Variants in FHOD3 observed in about 807,000 individuals in gnomAD.
FHOD3 encodes formin homology 2 domain containing 3, also known as FH1/FH2 domain-containing protein 3.
In FHOD3, 90 loss-of-function variants were observed where a neutral mutation model predicts 173.0. The observed-to-expected ratio is 0.52, with a 90% CI of 0.44 to 0.62. The LOEUF is 0.62. FHOD3 is among the 20% of genes least tolerant of loss of function. The probability of loss-of-function intolerance (pLI) is 0.00; values close to 1 mark genes in which losing one functional copy is unlikely to be tolerated. For synonymous variants in FHOD3, 828 were observed against 823.0 expected, an observed-to-expected ratio of 1.01 and a Z score of -0.10; for missense variants, 1,945 against 2,034.7, an observed-to-expected ratio of 0.96 and a Z score of 0.85.
chr18:36,396,722 G>C (rs1275643643), intron 3 of FHOD3, among the ~76,000 whole-genome samples: 1 of 152,090 alleles, frequency 6.6e-6, no homozygotes, highest in Non-Finnish European at 1.5e-5. Context: ...ATGACTTTTT[G>C]ACATGCTTTA....
chr18:36,490,678 T>C (rs781424971), intron 3 of FHOD3, among the ~76,000 whole-genome samples: 93 of 152,206 alleles, frequency 6.1e-4, no homozygotes, highest in Non-Finnish European at 1.1e-3. Flanking sequence ...GTCCTCTTTG[T>C]TGACAAATCA....
rs2034051906 is a variant in FHOD3, at chr18:36,625,705, A to G, written c.1152A>G (p.Ser384=). 1 of 1,610,058 alleles carries G rather than the reference A, an allele frequency of 6.2e-7. No individual in the cohort carries two copies. The highest frequency in any genetic ancestry group is 8.5e-7 in the Non-Finnish European group (1 of 1,177,766). The change falls in exon 10 of 29, where the codon TCA becomes TCG. Residue 384 remains serine (S), a synonymous_variant. Transcript: ENST00000590592. ...CCCCCACCAGTCCCTGCTCCCAGTCAGCTCCCAGCTTCAAGCCCAACCAAG... is the reference window on the plus strand; with the variant it reads ...CCCCCACCAGTCCCTGCTCCCAGTCGGCTCCCAGCTTCAAGCCCAACCAAG... ...LSAPTSPCSQ[S]APSFKPNQVR... is the part of the protein sequence containing the mutation.
intron 4 of FHOD3, among the ~76,000 whole-genome samples, chr18:36,510,574 A>C (rs942188969): frequency 6.6e-6 from 1 of 152,156 alleles, no homozygotes; most frequent in African/African-American, 2.4e-5. Flanking sequence ...TCACTTTTTC[A>C]CCATGAAGTC....
chr18:36,491,408 G>A (rs2145785747), intron 3 of FHOD3, among the ~76,000 whole-genome samples: 1 of 152,308 alleles, frequency 6.6e-6, no homozygotes, highest in South Asian at 2.1e-4. Context: ...AATATTGGCA[G>A]ATAGTTATTA....
At chr18:36,705,405 A>G (rs111642010) in intron 17 of FHOD3, among the ~76,000 whole-genome samples, 1,553 of 152,276 alleles carry the variant, frequency 0.01, 32 homozygotes, top group African/African-American at 0.035. Flanking sequence ...TTTGCCACAG[A>G]GACTTACGTT....
intron 8 of FHOD3, 47 bp downstream of exon 8, chr18:36,602,815 T>C (rs1273227451): frequency 7.1e-7 from 1 of 1,411,064 alleles, no homozygotes; most frequent in Non-Finnish European, 1.0e-6. Context: ...TAAAAAGATA[T>C]GTTAAAGCCC....
At chr18:36,725,054 C>T (rs1311235074) in intron 19 of FHOD3, among the ~76,000 whole-genome samples, 3 of 152,308 alleles carry the variant, frequency 2.0e-5, no homozygotes, top group Non-Finnish European at 4.4e-5. Flanking sequence ...ATCTCATGTC[C>T]GCCTTTTTGC....
intron 3 of FHOD3, among the ~76,000 whole-genome samples, chr18:36,480,904 G>A (rs776123079): frequency 6.7e-6 from 1 of 148,174 alleles, no homozygotes; most frequent in Non-Finnish European, 1.5e-5. Context: ...CTTGCCTTGA[G>A]CACTTCCTTC....
In FHOD3 at chr18:36,774,809, T is replaced by C. The variant is rs907819356; in HGVS notation, c.4787-4639T>C. On this transcript the variant is annotated intron_variant, in intron 28 of 28. Coordinates refer to ENST00000590592, the MANE Select transcript of FHOD3 (RefSeq NM_001281740.3). ...CAGTTTTGCCACGAAGGTCCTATTT[T>C]TGCTCTACGATCCTACCCAGGATTC... 8.5e-5 allele frequency among the ~76,000 whole-genome samples: 13 copies of C among 152,358 alleles called. No individual in the cohort carries two copies. In the South Asian group the frequency reaches 2.3e-3, roughly 27 times the overall value.
At chr18:36,525,887 G>A (rs1381443712) in intron 5 of FHOD3, among the ~76,000 whole-genome samples, 1 of 152,228 alleles carries the variant, frequency 6.6e-6, no homozygotes, top group Non-Finnish European at 1.5e-5. Context: ...AATGGAGAAG[G>A]CAATTTATAA....
At chr18:36,369,646 G>A (rs1489099014) in intron 2 of FHOD3, among the ~76,000 whole-genome samples, 1 of 151,706 alleles carries the variant, frequency 6.6e-6, no homozygotes, top group Non-Finnish European at 1.5e-5. Context: ...TATTATATTG[G>A]ACTCTAATTC....
intron 23 of FHOD3, 95 bp downstream of exon 23, chr18:36,744,288 A>C: frequency 7.7e-7 from 1 of 1,290,882 alleles, no homozygotes; most frequent in Non-Finnish European, 1.1e-6. Context: ...TATTAAGTAA[A>C]ATGCCCAAGT....
At chr18:36,772,726 C>T (rs978168010) in intron 28 of FHOD3, among the ~76,000 whole-genome samples, 7 of 152,218 alleles carry the variant, frequency 4.6e-5, no homozygotes, top group South Asian at 2.1e-4. Flanking sequence ...TGGCTCAGGT[C>T]GGCTGCTCTC....
chr18:36,425,877 G>C (rs1013414902), intron 3 of FHOD3, among the ~76,000 whole-genome samples: 3 of 151,820 alleles, frequency 2.0e-5, no homozygotes, highest in African/African-American at 7.3e-5. Context: ...ACTCTGGGAA[G>C]CACTTCACAC....
At chr18:36,589,340 T>A (rs2059135866) in intron 6 of FHOD3, among the ~76,000 whole-genome samples, 1 of 152,080 alleles carries the variant, frequency 6.6e-6, no homozygotes, top group Non-Finnish European at 1.5e-5. Context: ...TTAAAGAAAA[T>A]GTAGGTAACA....
At chr18:36,316,945 C>A (rs1001008199) in intron 1 of FHOD3, among the ~76,000 whole-genome samples, 9 of 151,898 alleles carry the variant, frequency 5.9e-5, no homozygotes, top group African/African-American at 2.2e-4. Context: ...CATTGTTCAG[C>A]TCCCACTTAT....
rs909335271 is a variant in FHOD3, at chr18:36,681,465, C to T, written c.1865C>T (p.Ser622Phe). ...TCACCGAGTGGTCTTCTCACATCAT[C>T]CTTCAGGCAGCACCAAGAGTCACTG... ...RSSPSGLLTSSFRQHQESLAA... is the reference protein window; with the variant it reads ...RSSPSGLLTSFFRQHQESLAA... Residue 622 changes from serine to phenylalanine, a missense_variant, in exon 15 of 29, where the codon TCC becomes TTC. Coordinates refer to ENST00000590592, the MANE Select transcript of FHOD3 (RefSeq NM_001281740.3). 3 of 1,613,758 alleles carry T rather than the reference C, an allele frequency of 1.9e-6. No individual in the cohort carries two copies. Among genetic ancestry groups the T allele is most frequent in the African/African-American group, 1.3e-5 (1 of 74,890 alleles).
intron 10 of FHOD3, among the ~76,000 whole-genome samples, chr18:36,647,443 C>A (rs772701158): frequency 5.3e-5 from 8 of 152,048 alleles, no homozygotes; most frequent in Non-Finnish European, 1.2e-4. Flanking sequence ...ATGAAATAGA[C>A]AAAATTATCA....
Position 36,401,749 on chromosome 18 carries a change from T to C in FHOD3, c.337+29005T>C, listed in dbSNP as rs1035398733. ...TGAGTTATCATCTGTTGAAAACCTGTGAGGGCAGTGCTTAACCTGGCCCCT... is the reference window on the plus strand; with the variant it reads ...TGAGTTATCATCTGTTGAAAACCTGCGAGGGCAGTGCTTAACCTGGCCCCT... On this transcript the variant is annotated intron_variant, in intron 3 of 28. Transcript: ENST00000590592. 2.6e-5 allele frequency among the ~76,000 whole-genome samples: 4 copies of C among 152,228 alleles called. No individual in the cohort carries two copies. In the East Asian group the frequency reaches 7.7e-4, roughly 29 times the overall value.
Sources: allele counts gnomAD v4.1 joint callset (sites outside exome capture counted in the v4.1 genomes callset), GRCh38; gene constraint gnomAD v4.1.1; transcripts MANE v1.5; gene names NCBI Gene and HGNC (gene_info 2026-07-23, HGNC 2026-07-21).